ZDHHC13: variants seen among roughly 807,000 people sequenced by gnomAD.
ZDHHC13 encodes the protein zDHHC palmitoyltransferase 13.
In ZDHHC13, 85 loss-of-function variants were observed where a neutral mutation model predicts 86.0. The observed-to-expected ratio is 0.99, with a 90% CI of 0.83 to 1.18. ZDHHC13 has a LOEUF of 1.18. Among genes scored for constraint, ZDHHC13 ranks in the 50% most tolerant of loss-of-function variants. The pLI, the probability that ZDHHC13 is intolerant of heterozygous loss-of-function variation, is 0.00. For synonymous variants in ZDHHC13, 263 were observed against 246.4 expected (o/e 1.07, Z -0.63); for missense variants, 711 against 730.2 (o/e 0.97, Z 0.30).
chr11:19,154,262 A>G (rs1212382429), intron 8 of ZDHHC13, among the ~76,000 whole-genome samples: 1 of 152,168 alleles, frequency 6.6e-6, no homozygotes, highest in Non-Finnish European at 1.5e-5. Flanking sequence ...GTATTTGTTG[A>G]ATGAATAGGG....
chr11:19,157,072 A>G (rs1849775696), intron 9 of ZDHHC13, among the ~76,000 whole-genome samples: 1 of 152,188 alleles, frequency 6.6e-6, no homozygotes, highest in African/African-American at 2.4e-5. Context: ...TCTTTGTCTG[A>G]AGTGTTGTGA....
In ZDHHC13 at chr11:19,159,052, G is replaced by C. The variant is rs769506444; in HGVS notation, c.1108+12G>C. 7 of 1,521,882 alleles carry C rather than the reference G, an allele frequency of 4.6e-6. No individual in the cohort carries two copies. In the Admixed American group the frequency reaches 8.1e-5, roughly 18 times the overall value. 94.3% of individuals were successfully genotyped at this position (1,521,882 alleles called of 1,614,324 possible). ...CTTATTTTTTCCTGATATCCTTTAA[G>C]CATCAATTTTGATGTGTATCTCATT... is the stretch of plus-strand genomic sequence containing the variant. On this transcript the variant is annotated intron_variant, in intron 10 of 16. Transcript: ENST00000446113.
intron 1 of ZDHHC13, among the ~76,000 whole-genome samples, chr11:19,138,541 G>T (rs1381443803): frequency 6.6e-6 from 1 of 151,936 alleles, no homozygotes; most frequent in Non-Finnish European, 1.5e-5. Context: ...GAAAAAGAGG[G>T]AATCCTCCCT....
intron 6 of ZDHHC13, 36 bp downstream of exon 6, chr11:19,150,827 G>T: frequency 2.5e-6 from 4 of 1,575,808 alleles, no homozygotes; most frequent in Non-Finnish European, 2.6e-6. Context: ...CTCATTCTTG[G>T]TTCCAACTAT....
At chr11:19,165,374 C>T (rs961983012) in intron 13 of ZDHHC13, among the ~76,000 whole-genome samples, 2 of 152,112 alleles carry the variant, frequency 1.3e-5, no homozygotes, top group African/African-American at 4.8e-5. Flanking sequence ...ATATTATCTC[C>T]ATATTACTTG....
intron 9 of ZDHHC13, among the ~76,000 whole-genome samples, chr11:19,156,547 C>T (rs1429186524): frequency 1.3e-5 from 2 of 152,148 alleles, no homozygotes; most frequent in Non-Finnish European, 2.9e-5. Flanking sequence ...ATGGTTAACA[C>T]ATATAAACAC....
intron 1 of ZDHHC13, among the ~76,000 whole-genome samples, chr11:19,141,749 A>G (rs1230848149): frequency 6.7e-6 from 1 of 149,560 alleles, no homozygotes; most frequent in African/African-American, 2.5e-5. Context: ...GTTTGAGATT[A>G]GAAACACTCA....
chr11:19,155,670 T>C lies in ZDHHC13; in HGVS notation c.874-126T>C, dbSNP rs141386326. On this transcript the variant is annotated intron_variant, in intron 8 of 16. Transcript: ENST00000446113. ...CAATCAGCAATTTTAGAGGAAAACT[T>C]TGTGTTAGCTTTGTTGTTGTATTAA... The C allele has an allele frequency of 6.6e-3, 6,505 of 992,294 alleles. 46 individuals carry two copies. Among genetic ancestry groups the C allele is most frequent in the Non-Finnish European group, 6.8e-3 (4,839 of 716,284 alleles). The allele number at this position is 992,294 out of a possible 1,614,324, so 61.5% of individuals were successfully genotyped here. A position where few individuals can be genotyped will look rare whatever the true frequency, so the allele number is the denominator to read the frequency against.
chr11:19,174,762 G>A (rs1279549316), intron 16 of ZDHHC13, among the ~76,000 whole-genome samples: 1 of 152,250 alleles, frequency 6.6e-6, no homozygotes, highest in African/African-American at 2.4e-5. Flanking sequence ...GACTTGAAAG[G>A]ATAAGGGGGT....
chr11:19,118,422 A>G (rs1438309804), intron 1 of ZDHHC13, among the ~76,000 whole-genome samples: 2 of 152,250 alleles, frequency 1.3e-5, no homozygotes, highest in Non-Finnish European at 2.9e-5. Flanking sequence ...AATAGTTCTC[A>G]GGCAGACTGG....
At chr11:19,152,369 A>C (rs1215622448) in intron 7 of ZDHHC13, 49 bp downstream of exon 7, 1 of 1,581,040 alleles carries the variant, frequency 6.3e-7, no homozygotes. Flanking sequence ...TTGAGTTAGA[A>C]GATTGATAAA....
chr11:19,141,693 C>T lies in ZDHHC13; in HGVS notation c.28-1285C>T, dbSNP rs189452340. On this transcript the variant is annotated intron_variant, in intron 1 of 16. Coordinates refer to ENST00000446113, the MANE Select transcript of ZDHHC13 (RefSeq NM_019028.3). ...TTGTGGGCTTTTTTTTTTTTTTTAA[C>T]ATTAGCGAACCCCGTATTGGTTTTC... is the stretch of plus-strand genomic sequence containing the variant. 9.4e-3 allele frequency among the ~76,000 whole-genome samples: 1,013 copies of T among 107,230 alleles called. 9 individuals are homozygous for T. The highest frequency in any genetic ancestry group is 0.03 in the African/African-American group (955 of 32,108). 70.3% of individuals were successfully genotyped at this position (107,230 alleles called of 152,430 possible).
chr11:19,167,812 T>C (rs1223269630), intron 14 of ZDHHC13: 2 of 152,200 alleles, frequency 1.3e-5, no homozygotes, highest in African/African-American at 2.4e-5. Context: ...GTTTTTTGCT[T>C]ATTTATTAAT....
intron 8 of ZDHHC13, among the ~76,000 whole-genome samples, chr11:19,153,033 G>A (rs1849655820): frequency 6.6e-6 from 1 of 152,076 alleles, no homozygotes; most frequent in Non-Finnish European, 1.5e-5. Context: ...AAGCTTGTAG[G>A]AATAGTTTAT....
In ZDHHC13 at chr11:19,139,596, C is replaced by T. The variant is rs1008856195; in HGVS notation, c.28-3382C>T. The stretch of plus-strand genomic sequence containing the variant: ...GTTCATATGGAACCAAAAAAGAGCC[C>T]GCATCGCCAAGTCAATCCTAAGCCA... On this transcript the variant is annotated intron_variant, in intron 1 of 16. Transcript: ENST00000446113. Among the ~76,000 whole-genome samples the T allele has an allele frequency of 2.3e-4, 35 of 150,372 alleles. No individual in the cohort carries two copies. In the South Asian group the frequency reaches 3.0e-3, roughly 13 times the overall value.
rs74519708 is a variant in ZDHHC13, at chr11:19,162,699, G to T, written c.1109-604G>T. 5.8e-3 allele frequency among the ~76,000 whole-genome samples: 884 copies of T among 152,190 alleles called. 28 individuals carry two copies. In the East Asian group the frequency reaches 0.086, roughly 15 times the overall value. ...TTGTAAGTTAATCAAAATAGGAGCC[G>T]AAAATTCAGTCAGCTCAGCGTGCAG... On this transcript the variant is annotated intron_variant, in intron 10 of 16. Coordinates refer to ENST00000446113, the MANE Select transcript of ZDHHC13 (RefSeq NM_019028.3).
At chr11:19,119,863 C>A (rs2133352212) in intron 1 of ZDHHC13, among the ~76,000 whole-genome samples, 1 of 152,306 alleles carries the variant, frequency 6.6e-6, no homozygotes, top group Admixed American at 6.5e-5. Context: ...TCTGGTACTT[C>A]TGTTAATGAG....
At chr11:19,167,374 T>G (rs542201729) in intron 14 of ZDHHC13, 230 of 152,308 alleles carry the variant, frequency 1.5e-3, no homozygotes, top group African/African-American at 5.2e-3. Context: ...TTTCCTCTCT[T>G]TCTCTCTTCT....
intron 14 of ZDHHC13, chr11:19,168,741 A>G (rs1850139972): frequency 1.1e-6 from 1 of 934,708 alleles, no homozygotes; most frequent in Non-Finnish European, 1.3e-6. Context: ...CTGTATTACT[A>G]GAGCCCTGCT....
Sources: allele counts gnomAD v4.1 joint callset (sites outside exome capture counted in the v4.1 genomes callset), GRCh38; gene constraint gnomAD v4.1.1; transcripts MANE v1.5; gene names NCBI Gene and HGNC (gene_info 2026-07-23, HGNC 2026-07-21).